KCNMB4: variants seen among roughly 807,000 people sequenced by gnomAD.
KCNMB4 encodes calcium-activated potassium channel subunit beta-4.
Under a neutral mutation model 20.7 loss-of-function variants are expected in KCNMB4, and 3 were observed. That is an observed-to-expected ratio of 0.14 (90% CI 0.07 to 0.37). The LOEUF (loss-of-function observed/expected upper bound fraction) is 0.37, where lower values mean the gene tolerates loss of function less well. KCNMB4 is among the 10% of genes least tolerant of loss of function. The pLI is 1.00. For synonymous variants in KCNMB4, 110 were observed against 113.4 expected (o/e 0.97, Z 0.19); for missense variants, 168 against 265.9 (o/e 0.63, Z 2.56).
At chr12:70,423,412 G>C (rs2136142386) in intron 2 of KCNMB4, among the ~76,000 whole-genome samples, 1 of 152,226 alleles carries the variant, frequency 6.6e-6, no homozygotes, top group Non-Finnish European at 1.5e-5. Flanking sequence ...TTCATAGATA[G>C]GAAGCATCTG....
chr12:70,369,965 T>A lies in KCNMB4; in HGVS notation c.336+2895T>A, dbSNP rs146460335. On this transcript the variant is annotated intron_variant, in intron 1 of 2. Coordinates refer to ENST00000258111, the MANE Select transcript of KCNMB4 (RefSeq NM_014505.6). ...TGCTACTATTCCAGTCACTGCACTATCTCTTGGTGACTCACAGTTGTATAT... is the reference window on the plus strand; with the variant it reads ...TGCTACTATTCCAGTCACTGCACTAACTCTTGGTGACTCACAGTTGTATAT... Among the ~76,000 whole-genome samples the A allele has an allele frequency of 3.4e-3, 517 of 152,240 alleles. 1 individual carries two copies. The highest frequency in any genetic ancestry group is 0.012 in the African/African-American group (498 of 41,544).
intron 1 of KCNMB4, among the ~76,000 whole-genome samples, chr12:70,398,604 C>G (rs943558774): frequency 5.4e-5 from 8 of 148,718 alleles, no homozygotes; most frequent in Non-Finnish European, 1.2e-4. Flanking sequence ...AATAGACAAC[C>G]AAATTTACTA....
intron 1 of KCNMB4, among the ~76,000 whole-genome samples, chr12:70,393,589 A>T (rs1445370296): frequency 6.6e-6 from 1 of 152,098 alleles, no homozygotes; most frequent in Non-Finnish European, 1.5e-5. Flanking sequence ...AATATAACCA[A>T]CCTTAGCAGT....
At chr12:70,398,448 A>G (rs1868377356) in intron 1 of KCNMB4, among the ~76,000 whole-genome samples, 1 of 152,186 alleles carries the variant, frequency 6.6e-6, no homozygotes, top group Admixed American at 6.5e-5. Context: ...GCTTTGGAAG[A>G]ACTCAGAATC....
chr12:70,416,932 A>T (rs1240443763), intron 2 of KCNMB4, among the ~76,000 whole-genome samples: 2 of 152,196 alleles, frequency 1.3e-5, no homozygotes, highest in Admixed American at 1.3e-4. Flanking sequence ...GCTGTTAACA[A>T]TTGGGAATCT....
intron 1 of KCNMB4, among the ~76,000 whole-genome samples, chr12:70,371,679 A>G (rs1186828844): frequency 6.6e-6 from 1 of 152,152 alleles, no homozygotes. Context: ...CTTTTTCAGC[A>G]TCTATTATAA....
intron 1 of KCNMB4, among the ~76,000 whole-genome samples, chr12:70,375,512 A>G (rs1883670125): frequency 6.6e-6 from 1 of 151,982 alleles, no homozygotes; most frequent in African/African-American, 2.4e-5. Context: ...ACATGATGAC[A>G]TACACTGGTA....
intron 1 of KCNMB4, among the ~76,000 whole-genome samples, chr12:70,374,336 A>AT (rs1883649821): frequency 6.6e-6 from 1 of 151,958 alleles, no homozygotes; most frequent in South Asian, 2.1e-4. Context: ...TTGGGTTTAA[A>AT]TTTTTTTTCA....
At chr12:70,428,773 GA>G (rs1173003124) in intron 2 of KCNMB4, among the ~76,000 whole-genome samples, 6 of 152,146 alleles carry the variant, frequency 3.9e-5, no homozygotes, top group Non-Finnish European at 8.8e-5. Context: ...CCTTACAGAA[GA>G]AAAGAATATA....
intron 2 of KCNMB4, chr12:70,422,579 G>A (rs2136141929): frequency 1.7e-6 from 1 of 574,230 alleles, no homozygotes; most frequent in South Asian, 1.8e-5. Context: ...TATTTTCAAT[G>A]GAAGAGCAAC....
intron 2 of KCNMB4, among the ~76,000 whole-genome samples, chr12:70,416,418 T>G (rs1868915200): frequency 6.6e-6 from 1 of 152,194 alleles, no homozygotes; most frequent in Admixed American, 6.5e-5. Context: ...TTTACATGTG[T>G]TTTCTTGAAT....
chr12:70,371,160 A>G (rs1883587007), intron 1 of KCNMB4, among the ~76,000 whole-genome samples: 1 of 152,158 alleles, frequency 6.6e-6, no homozygotes, highest in Non-Finnish European at 1.5e-5. Flanking sequence ...CCCGGTCTAT[A>G]TGTTTATTTT....
At chr12:70,377,686 T>C (rs984821211) in intron 1 of KCNMB4, among the ~76,000 whole-genome samples, 21 of 152,196 alleles carry the variant, frequency 1.4e-4, no homozygotes, top group African/African-American at 5.1e-4. Context: ...ACAGTAGAAC[T>C]CCTTTCAAAA....
intron 1 of KCNMB4, among the ~76,000 whole-genome samples, chr12:70,377,754 C>T (rs1322669293): frequency 6.6e-6 from 1 of 152,146 alleles, no homozygotes; most frequent in African/African-American, 2.4e-5. Context: ...TAGGTAATAT[C>T]TAGGTTAATT....
In KCNMB4 at chr12:70,392,931, T is replaced by C. The variant is rs1259719259; in HGVS notation, c.337-7278T>C. Among the ~76,000 whole-genome samples, 3 of 152,158 alleles carry C rather than the reference T, an allele frequency of 2.0e-5. No homozygotes were observed. The East Asian group carries it at 5.8e-4, about 29-fold the overall frequency. ...AACCACCATGGCACATGTATGTCTA[T>C]GTAACAAACCTGCATGTTCTGCACA... is the stretch of plus-strand genomic sequence containing the variant. On this transcript the variant is annotated intron_variant, in intron 1 of 2. Coordinates refer to ENST00000258111, the MANE Select transcript of KCNMB4 (RefSeq NM_014505.6).
chr12:70,413,697 CATA>C (rs537349455), intron 2 of KCNMB4, among the ~76,000 whole-genome samples: 2 of 152,270 alleles, frequency 1.3e-5, no homozygotes, highest in East Asian at 3.9e-4. Context: ...ATCCCCACCA[CATA>C]ATTTTTTGAA....
In KCNMB4 at chr12:70,366,301, G is replaced by A. The variant is rs879070242; in HGVS notation, c.-434G>A. 6.7e-6 allele frequency: 1 copy of A among 149,590 alleles called. No homozygotes were observed. The highest frequency in any genetic ancestry group is 6.7e-5 in the Admixed American group (1 of 14,816). The allele number at this position is 149,590 out of a possible 1,614,324, so 9.3% of individuals were successfully genotyped here. On this transcript the variant is annotated 5_prime_UTR_variant, in exon 1 of 3. Transcript: ENST00000258111. ...GCTCGCCCCAGCTCAGACACTCCTA[G>A]CCTTGGGGCAGCTGCCGGGCGAGTC... is the stretch of plus-strand genomic sequence containing the variant.
chr12:70,406,860 T>C (rs6581939), intron 2 of KCNMB4, among the ~76,000 whole-genome samples: 367 of 152,296 alleles, frequency 2.4e-3, no homozygotes, highest in African/African-American at 8.4e-3. Flanking sequence ...GAGGTCTACC[T>C]AAAAAGAGCT....
At chr12:70,368,851 T>A (rs1238281634) in intron 1 of KCNMB4, among the ~76,000 whole-genome samples, 2 of 152,170 alleles carry the variant, frequency 1.3e-5, no homozygotes, top group Non-Finnish European at 2.9e-5. Context: ...GCTTCACAAT[T>A]TTCAGGCAGT....
Sources: gnomAD v4.1 joint callset for allele counts (sites outside exome capture counted in the v4.1 genomes callset) on GRCh38, gnomAD v4.1.1 for gene constraint, MANE v1.5 for transcripts, NCBI Gene and HGNC (gene_info 2026-07-23, HGNC 2026-07-21) for gene names.